NSMAF: variants seen among roughly 807,000 people sequenced by gnomAD.
The protein encoded by NSMAF is neutral sphingomyelinase activation associated factor.
A neutral mutation model predicts 134.9 loss-of-function variants in NSMAF; 90 were observed. That is an observed-to-expected ratio of 0.67 (90% CI 0.56 to 0.79). NSMAF has a LOEUF of 0.79. NSMAF is among the 30% of genes least tolerant of loss of function. The probability of loss-of-function intolerance (pLI) is 0.00; values close to 1 mark genes in which losing one functional copy is unlikely to be tolerated. For synonymous variants in NSMAF, 358 were observed against 389.6 expected (o/e 0.92, Z 0.96); for missense variants, 1,010 against 1,119.0 (o/e 0.90, Z 1.39).
At chr8:58,596,727 A>G (rs1806143430) in intron 21 of NSMAF, among the ~76,000 whole-genome samples, 1 of 152,110 alleles carries the variant, frequency 6.6e-6, no homozygotes, top group African/African-American at 2.4e-5. Flanking sequence ...CAGGAGATCG[A>G]GACCATCCTG....
intron 1 of NSMAF, among the ~76,000 whole-genome samples, chr8:58,656,713 C>T (rs1364978391): frequency 6.6e-6 from 1 of 151,958 alleles, no homozygotes; most frequent in Admixed American, 6.6e-5. Flanking sequence ...GCCTGTAGTC[C>T]CAGCTACTTG....
chr8:58,631,038 GGGA>G (rs1313771866), intron 6 of NSMAF, among the ~76,000 whole-genome samples: 1 of 152,148 alleles, frequency 6.6e-6, no homozygotes, highest in African/African-American at 2.4e-5. Flanking sequence ...AAAGGTCCCA[GGGA>G]ACCAGACATT....
At chr8:58,611,012 A>T (rs1806517446) in intron 9 of NSMAF, among the ~76,000 whole-genome samples, 1 of 152,214 alleles carries the variant, frequency 6.6e-6, no homozygotes, top group Non-Finnish European at 1.5e-5. Context: ...GTAGCCTGAC[A>T]GAATAAGAGG....
intron 1 of NSMAF, among the ~76,000 whole-genome samples, chr8:58,653,605 T>C (rs561375527): frequency 6.6e-6 from 1 of 152,044 alleles, no homozygotes; most frequent in Admixed American, 6.5e-5. Context: ...GATAAAAAAT[T>C]CAACTCACCA....
At chr8:58,613,013 T>C (rs1806565701) in intron 9 of NSMAF, among the ~76,000 whole-genome samples, 1 of 152,196 alleles carries the variant, frequency 6.6e-6, no homozygotes. Flanking sequence ...AATATCTTCT[T>C]CTTAGACAAA....
intron 9 of NSMAF, among the ~76,000 whole-genome samples, chr8:58,617,572 A>G (rs1053333658): frequency 1.3e-5 from 2 of 152,244 alleles, no homozygotes; most frequent in Admixed American, 6.5e-5. Context: ...GCTCATCATC[A>G]CTGGTCATCA....
At chr8:58,625,176 T>A (rs1806897164) in intron 6 of NSMAF, among the ~76,000 whole-genome samples, 1 of 152,166 alleles carries the variant, frequency 6.6e-6, no homozygotes, top group East Asian at 1.9e-4. Context: ...TTTCTTCCTG[T>A]CTTCAAGCTG....
At chr8:58,656,443 G>A (rs1250459757) in intron 1 of NSMAF, among the ~76,000 whole-genome samples, 1 of 152,308 alleles carries the variant, frequency 6.6e-6, no homozygotes, top group Middle Eastern at 3.4e-3. Context: ...CAAACCAGAA[G>A]TCTGAGAGTA....
chr8:58,589,340 G>A (rs2129139224), intron 26 of NSMAF, 112 bp downstream of exon 26: 1 of 716,478 alleles, frequency 1.4e-6, no homozygotes, highest in Non-Finnish European at 2.0e-6. Context: ...GAACACATTA[G>A]CAATAGGTAG....
At chr8:58,620,969 T>C (rs964423434) in intron 9 of NSMAF, among the ~76,000 whole-genome samples, 2 of 152,212 alleles carry the variant, frequency 1.3e-5, no homozygotes, top group African/African-American at 4.8e-5. Flanking sequence ...TTTATTTTAG[T>C]TTCAGGGTAC....
intron 6 of NSMAF, among the ~76,000 whole-genome samples, 190 bp from the exon 7 acceptor site, chr8:58,623,970 T>C (rs1806853377): frequency 6.6e-6 from 1 of 152,056 alleles, no homozygotes; most frequent in Non-Finnish European, 1.5e-5. Context: ...ATTATTTCCT[T>C]CCTTCTTCTA....
At chr8:58,602,430 C>T (rs543286328) in intron 13 of NSMAF, among the ~76,000 whole-genome samples, 2 of 150,942 alleles carry the variant, frequency 1.3e-5, no homozygotes, top group East Asian at 3.9e-4. Flanking sequence ...CCAAGTAAAA[C>T]AACAACAACA....
chr8:58,588,650 A>G (rs1805950579), intron 26 of NSMAF: 1 of 1,537,218 alleles, frequency 6.5e-7, no homozygotes, highest in Non-Finnish European at 8.9e-7. Context: ...CGAATGACGA[A>G]TTTCTTAATG....
chr8:58,590,831 C>T (rs780983792), intron 24 of NSMAF, 36 bp downstream of exon 24: 143 of 1,526,546 alleles, frequency 9.4e-5, no homozygotes, highest in Non-Finnish European at 5.1e-5. Flanking sequence ...AACTACTACA[C>T]GGATTTCTAT....
Position 58,602,049 on chromosome 8 carries a change from T to G in NSMAF, c.1125+9A>C. The stretch of plus-strand genomic sequence containing the variant: ...TGCTTAGAAACCAAGAATCTCTAAG[T>G]CCACATACCAGTAGTCTCTCCAGCC... On this transcript the variant is annotated intron_variant, in intron 14 of 30. Transcript: ENST00000038176. 1 of 1,604,910 alleles carries G rather than the reference T, an allele frequency of 6.2e-7. No individual in the cohort carries two copies. Among genetic ancestry groups the G allele is most frequent in the South Asian group, 1.1e-5 (1 of 90,310 alleles).
chr8:58,599,892 A>T (rs902083745), intron 17 of NSMAF, 22 bp from the exon 18 acceptor site: 2 of 1,613,006 alleles, frequency 1.2e-6, no homozygotes, highest in South Asian at 1.1e-5. Flanking sequence ...GGGGAAAAAT[A>T]AAAAAGAACA....
chr8:58,637,021 CA>C (rs1807189232), intron 2 of NSMAF, among the ~76,000 whole-genome samples: 1 of 37,824 alleles, frequency 2.6e-5, no homozygotes, highest in African/African-American at 1.4e-4. Context: ...AGATTATACA[CA>C]CACACACACA....
At chr8:58,591,481 C>CTTTTT (rs1018380152) in intron 23 of NSMAF, among the ~76,000 whole-genome samples, 66 of 94,480 alleles carry the variant, frequency 7.0e-4, no homozygotes, top group Middle Eastern at 6.8e-3. Flanking sequence ...AGAAACCTTC[C>CTTTTT]TTTTTTTTTT....
chr8:58,597,357 G>A, intron 21 of NSMAF, 30 bp downstream of exon 21: 1 of 1,587,770 alleles, frequency 6.3e-7, no homozygotes, highest in Non-Finnish European at 8.6e-7. Context: ...AACAAAAGGT[G>A]CTCACGTTTA....
Sources: gnomAD v4.1 joint callset for allele counts (sites outside exome capture counted in the v4.1 genomes callset) on GRCh38, gnomAD v4.1.1 for gene constraint, MANE v1.5 for transcripts, NCBI Gene and HGNC (gene_info 2026-07-23, HGNC 2026-07-21) for gene names.